Variants in PAX5 observed in about 807,000 individuals in gnomAD.
The protein encoded by PAX5 is paired box protein Pax-5.
Under a neutral mutation model 43.7 loss-of-function variants are expected in PAX5, and 9 were observed. That is an observed-to-expected ratio of 0.21 (90% CI 0.12 to 0.36). The LOEUF is 0.36. Ranked by LOEUF, PAX5 falls within the 10% of genes least tolerant of loss-of-function variation. PAX5 has a pLI of 1.00. For missense variants in PAX5, 383 were observed against 532.7 expected (o/e 0.72, Z 2.77); for synonymous variants, 228 against 214.3 (o/e 1.06, Z -0.56).
At chr9:36,985,355 G>T (rs1198702246) in intron 5 of PAX5, among the ~76,000 whole-genome samples, 1 of 152,184 alleles carries the variant, frequency 6.6e-6, no homozygotes, top group African/African-American at 2.4e-5. Flanking sequence ...GTTCTCAGTT[G>T]TTTAGTGAGT....
intron 8 of PAX5, among the ~76,000 whole-genome samples, chr9:36,863,426 G>T (rs1303138633): frequency 2.0e-5 from 3 of 152,164 alleles, no homozygotes; most frequent in African/African-American, 7.2e-5. Flanking sequence ...ACTGTGCCTG[G>T]CCTCAACTTA....
At chr9:37,002,949 T>G in intron 4 of PAX5, 173 bp from the exon 5 acceptor site, 1 of 695,418 alleles carries the variant, frequency 1.4e-6, no homozygotes, top group Non-Finnish European at 2.3e-6. Flanking sequence ...AGCGCAGGCC[T>G]CGGGCGGGCC....
At position 36,973,140 on chromosome 9, in the gene PAX5, G is replaced by A. The variant is rs201809303; in HGVS notation, c.605-6416C>T. Among the ~76,000 whole-genome samples the A allele has an allele frequency of 3.3e-3, 232 of 69,388 alleles. 2 individuals are homozygous for A. Among genetic ancestry groups the A allele is most frequent in the East Asian group, 4.2e-3 (6 of 1,428 alleles). The allele number at this position is 69,388 out of a possible 152,430, so 45.5% of individuals were successfully genotyped here. On this transcript the variant is annotated intron_variant, in intron 5 of 9. Coordinates refer to ENST00000358127, the MANE Select transcript of PAX5 (RefSeq NM_016734.3). ...GAAAGGAAAGGAAAGGAAAGAAAAGGAAAGGAAAGGAAAGGAAAGGAAAGG... is the reference window on the plus strand; with the variant it reads ...GAAAGGAAAGGAAAGGAAAGAAAAGAAAAGGAAAGGAAAGGAAAGGAAAGG...
chr9:36,837,218 T>C lies in PAX5; in HGVS notation c.*3342A>G, dbSNP rs1821704323. On this transcript the variant is annotated 3_prime_UTR_variant, in exon 10 of 10. Coordinates refer to ENST00000358127, the MANE Select transcript of PAX5 (RefSeq NM_016734.3). Reference sequence around the variant, plus strand: ...TCTATGTTGCCGTGAGAGCCCCAAATGTCAATTTCCCCGTCTATAAAGTAG... The same window carrying C: ...TCTATGTTGCCGTGAGAGCCCCAAACGTCAATTTCCCCGTCTATAAAGTAG... The C allele has an allele frequency of 4.3e-6, 1 of 232,970 alleles. No homozygotes were observed. Among genetic ancestry groups the C allele is most frequent in the Non-Finnish European group, 8.5e-6 (1 of 117,972 alleles). The allele number at this position is 232,970 out of a possible 1,614,324, so 14.4% of individuals were successfully genotyped here.
At chr9:36,907,230 T>C (rs765314237) in intron 7 of PAX5, among the ~76,000 whole-genome samples, 14 of 152,214 alleles carry the variant, frequency 9.2e-5, no homozygotes, top group Non-Finnish European at 2.1e-4. Flanking sequence ...TGAACCAAAG[T>C]ACATAACAAA....
intron 1 of PAX5, among the ~76,000 whole-genome samples, chr9:37,021,304 C>G (rs1839831005): frequency 6.6e-6 from 1 of 152,094 alleles, no homozygotes; most frequent in African/African-American, 2.4e-5. Flanking sequence ...CAATCTAATT[C>G]AAGGGCTAAG....
intron 1 of PAX5, among the ~76,000 whole-genome samples, chr9:37,025,511 C>T (rs1469142873): frequency 1.3e-5 from 2 of 152,218 alleles, no homozygotes; most frequent in African/African-American, 4.8e-5. Flanking sequence ...AGACCCCGAG[C>T]GGCACCCGAG....
intron 8 of PAX5, among the ~76,000 whole-genome samples, chr9:36,848,350 CCA>C (rs55793420): frequency 3.7e-4 from 51 of 136,458 alleles, no homozygotes; most frequent in East Asian, 8.7e-4. Flanking sequence ...CAGAGCGTGT[CCA>C]CACACACACA....
intron 5 of PAX5, among the ~76,000 whole-genome samples, chr9:36,997,427 G>C (rs771368607): frequency 6.6e-6 from 1 of 152,220 alleles, no homozygotes; most frequent in Admixed American, 6.5e-5. Flanking sequence ...GGGGGACAGG[G>C]AGGGGACCTA....
chr9:36,955,211 G>A (rs997988171), intron 6 of PAX5, among the ~76,000 whole-genome samples: 17 of 151,884 alleles, frequency 1.1e-4, no homozygotes, highest in African/African-American at 2.2e-4. Context: ...CATTTTGCCC[G>A]TTATGTCTCC....
rs1826540583 is a variant in PAX5, at chr9:36,882,569, C to T, written c.911-464G>A. ...CCTGCCACCACCTGCCTTCAAAGACCAGCTCAAATGCCTCCCTTCTCCTCT... is the reference window on the plus strand; with the variant it reads ...CCTGCCACCACCTGCCTTCAAAGACTAGCTCAAATGCCTCCCTTCTCCTCT... On this transcript the variant is annotated intron_variant, in intron 7 of 9. Coordinates refer to ENST00000358127, the MANE Select transcript of PAX5 (RefSeq NM_016734.3). The surrounding 1 kb of genome is among the most constrained non-coding windows in gnomAD (Gnocchi z 4.4). Among the ~76,000 whole-genome samples the T allele has an allele frequency of 6.6e-6, 1 of 152,230 alleles. No individual in the cohort carries two copies. Among genetic ancestry groups the T allele is most frequent in the Non-Finnish European group, 1.5e-5 (1 of 68,044 alleles).
At chr9:37,024,497 C>G (rs533787499) in intron 1 of PAX5, among the ~76,000 whole-genome samples, 1 of 152,162 alleles carries the variant, frequency 6.6e-6, no homozygotes, top group Non-Finnish European at 1.5e-5. Context: ...TCTACTGTAC[C>G]CCCCACTCCC....
At chr9:36,942,521 A>C (rs1832133021) in intron 6 of PAX5, among the ~76,000 whole-genome samples, 1 of 152,180 alleles carries the variant, frequency 6.6e-6, no homozygotes, top group Admixed American at 6.5e-5. Context: ...GTCCCCCTCC[A>C]TGTGCTAGGT....
chr9:36,847,385 C>T (rs1822698376), intron 8 of PAX5, among the ~76,000 whole-genome samples: 1 of 152,188 alleles, frequency 6.6e-6, no homozygotes. Flanking sequence ...CCCCCACCTG[C>T]TGATGAGTGG....
chr9:37,026,534 A>C (rs765743035), intron 1 of PAX5: 1 of 1,328,478 alleles, frequency 7.5e-7, no homozygotes, highest in East Asian at 4.0e-5. Flanking sequence ...CCTACTTACT[A>C]TGCATGGATG....
chr9:36,947,361 T>C (rs1193420796), intron 6 of PAX5, among the ~76,000 whole-genome samples: 1 of 152,230 alleles, frequency 6.6e-6, no homozygotes, highest in Non-Finnish European at 1.5e-5. Flanking sequence ...TACCATTTCC[T>C]CAGTTTCCTG....
At chr9:36,991,488 A>G (rs1836933226) in intron 5 of PAX5, among the ~76,000 whole-genome samples, 1 of 152,236 alleles carries the variant, frequency 6.6e-6, no homozygotes, top group Non-Finnish European at 1.5e-5. Context: ...CTCTACTCCC[A>G]GAAAGGTTTA....
intron 1 of PAX5, among the ~76,000 whole-genome samples, chr9:37,031,152 A>G (rs1194841105): frequency 6.6e-6 from 1 of 152,194 alleles, no homozygotes; most frequent in African/African-American, 2.4e-5. Flanking sequence ...AGAAAAAATG[A>G]GAATTTAACC....
chr9:36,897,859 G>A (rs1181792944), intron 7 of PAX5, among the ~76,000 whole-genome samples: 1 of 152,148 alleles, frequency 6.6e-6, no homozygotes, highest in Non-Finnish European at 1.5e-5. Context: ...ATCTTCTTGG[G>A]CTCTGCAGAC....
Sources: allele counts gnomAD v4.1 joint callset (sites outside exome capture counted in the v4.1 genomes callset), GRCh38; gene constraint gnomAD v4.1.1; non-coding constraint Gnocchi (gnomAD v3.1); transcripts MANE v1.5; gene names NCBI Gene and HGNC (gene_info 2026-07-23, HGNC 2026-07-21).